PXDNL: variants seen among roughly 807,000 people sequenced by gnomAD.
The protein encoded by PXDNL is peroxidasin like.
Under a neutral mutation model 150.8 loss-of-function variants are expected in PXDNL, and 145 were observed. The ratio of observed to expected loss-of-function variants is 0.96; its 90% CI spans 0.84 to 1.10. The LOEUF (loss-of-function observed/expected upper bound fraction) is 1.10. Among genes scored for constraint, PXDNL ranks in the 50% least tolerant of loss-of-function variants. PXDNL has a pLI of 0.00. For synonymous variants in PXDNL, 757 were observed against 725.7 expected, an observed-to-expected ratio of 1.04 and a Z score of -0.69; for missense variants, 2,087 against 1,873.9, an observed-to-expected ratio of 1.11 and a Z score of -2.10.
intron 17 of PXDNL, among the ~76,000 whole-genome samples, chr8:51,382,446 C>A (rs7018330): frequency 0.014 from 2,080 of 152,210 alleles, 54 homozygotes; most frequent in African/African-American, 0.047. Context: ...ATAATTATGA[C>A]CTTCCATTGA....
chr8:51,555,395 A>C (rs1240045499), intron 4 of PXDNL, among the ~76,000 whole-genome samples: 2 of 152,214 alleles, frequency 1.3e-5, no homozygotes, highest in African/African-American at 4.8e-5. Flanking sequence ...CTACAATGGC[A>C]ATTAAATTTC....
At chr8:51,474,544 TA>T (rs1028570282) in intron 7 of PXDNL, among the ~76,000 whole-genome samples, 10 of 152,198 alleles carry the variant, frequency 6.6e-5, no homozygotes, top group Non-Finnish European at 1.5e-4. Context: ...AAAAATCAAT[TA>T]CTGAATTTGT....
chr8:51,709,749 T>A (rs1044556434), intron 1 of PXDNL, among the ~76,000 whole-genome samples: 3 of 152,222 alleles, frequency 2.0e-5, no homozygotes, highest in African/African-American at 7.2e-5. Flanking sequence ...TCCATGTACT[T>A]AACTACATAT....
chr8:51,685,755 A>T (rs1305948705), intron 1 of PXDNL, among the ~76,000 whole-genome samples: 1 of 152,116 alleles, frequency 6.6e-6, no homozygotes. Flanking sequence ...ATTCATACAC[A>T]CTAATGAACA....
At chr8:51,347,111 G>A (rs933462764) in intron 19 of PXDNL, among the ~76,000 whole-genome samples, 4 of 152,120 alleles carry the variant, frequency 2.6e-5, no homozygotes, top group African/African-American at 9.7e-5. Flanking sequence ...ATAACAACCC[G>A]AGAGCATCTT....
chr8:51,511,769 G>T (rs1811425677), intron 4 of PXDNL, among the ~76,000 whole-genome samples: 1 of 152,158 alleles, frequency 6.6e-6, no homozygotes, highest in Non-Finnish European at 1.5e-5. Flanking sequence ...CGAGAAGGGG[G>T]ATAAACGCCC....
intron 1 of PXDNL, among the ~76,000 whole-genome samples, chr8:51,743,957 A>AGAG (rs2036936471): frequency 8.0e-5 from 1 of 12,472 alleles, no homozygotes; most frequent in Non-Finnish European, 5.1e-4. Flanking sequence ...AGAGAGAAAG[A>AGAG]AAAAAGAGAG....
At chr8:51,444,961 C>A (rs531670763) in intron 12 of PXDNL, among the ~76,000 whole-genome samples, 1 of 151,368 alleles carries the variant, frequency 6.6e-6, no homozygotes, top group African/African-American at 2.4e-5. Context: ...GGCTGGAGTG[C>A]GGTGGCATGA....
intron 1 of PXDNL, among the ~76,000 whole-genome samples, chr8:51,726,516 C>T (rs1206482914): frequency 6.6e-6 from 1 of 152,214 alleles, no homozygotes; most frequent in African/African-American, 2.4e-5. Flanking sequence ...TGCAAACACA[C>T]AGAAGATGAG....
At chr8:51,440,778 G>C (rs1165760068) in intron 12 of PXDNL, among the ~76,000 whole-genome samples, 2 of 152,178 alleles carry the variant, frequency 1.3e-5, no homozygotes, top group Non-Finnish European at 2.9e-5. Context: ...GGTATTAAGG[G>C]GGCTTTTCCA....
chr8:51,764,403 T>C (rs1422668971), intron 1 of PXDNL, among the ~76,000 whole-genome samples: 1 of 151,642 alleles, frequency 6.6e-6, no homozygotes, highest in African/African-American at 2.4e-5. Context: ...AGTGAAAGTT[T>C]ATTTATTTGA....
At chr8:51,745,665 C>T (rs1304414726) in intron 1 of PXDNL, among the ~76,000 whole-genome samples, 5 of 152,286 alleles carry the variant, frequency 3.3e-5, no homozygotes, top group African/African-American at 7.2e-5. Context: ...AACCTTCCTA[C>T]TCCTTCAGGT....
chr8:51,718,137 A>G (rs1381239889), intron 1 of PXDNL, among the ~76,000 whole-genome samples: 2 of 152,196 alleles, frequency 1.3e-5, no homozygotes, highest in East Asian at 1.9e-4. Context: ...TGGAAGGAAT[A>G]GGAGCATGGG....
chr8:51,425,528 G>A (rs935324595), intron 13 of PXDNL, among the ~76,000 whole-genome samples: 5 of 151,898 alleles, frequency 3.3e-5, no homozygotes, highest in African/African-American at 1.2e-4. Context: ...AAATTAAAAG[G>A]GGGTTATAAA....
intron 1 of PXDNL, among the ~76,000 whole-genome samples, chr8:51,668,981 A>G (rs1324451517): frequency 3.9e-5 from 6 of 152,162 alleles, no homozygotes; most frequent in Non-Finnish European, 8.8e-5. Flanking sequence ...TGGAGAAAAT[A>G]AATATTAATT....
At chr8:51,532,583 T>A (rs1370258990) in intron 4 of PXDNL, among the ~76,000 whole-genome samples, 1 of 152,226 alleles carries the variant, frequency 6.6e-6, no homozygotes, top group Non-Finnish European at 1.5e-5. Flanking sequence ...GTTTGTTTGC[T>A]TTTTGGTTTT....
At chr8:51,604,353 C>T (rs1478168639) in intron 2 of PXDNL, among the ~76,000 whole-genome samples, 2 of 152,140 alleles carry the variant, frequency 1.3e-5, no homozygotes, top group Admixed American at 6.5e-5. Context: ...TTTGTAGGGA[C>T]ATGGATGAAA....
At chr8:51,666,561 CCTCT>C (rs1246475078) in intron 1 of PXDNL, among the ~76,000 whole-genome samples, 2 of 152,110 alleles carry the variant, frequency 1.3e-5, no homozygotes, top group Admixed American at 1.3e-4. Flanking sequence ...ACCCATTTGA[CCTCT>C]CTAATAAATG....
At chr8:51,580,971 C>T (rs572500813) in intron 3 of PXDNL, among the ~76,000 whole-genome samples, 1 of 152,170 alleles carries the variant, frequency 6.6e-6, no homozygotes, top group East Asian at 1.9e-4. Context: ...TCTATTTCTC[C>T]CTCTCTTTTC....
Sources: allele counts gnomAD v4.1 joint callset (sites outside exome capture counted in the v4.1 genomes callset), GRCh38; gene constraint gnomAD v4.1.1; transcripts MANE v1.5; gene names NCBI Gene and HGNC (gene_info 2026-07-23, HGNC 2026-07-21).